GOLM2: variants seen among roughly 807,000 people sequenced by gnomAD.
The protein encoded by GOLM2 is golgi membrane protein 2, also known as protein GOLM2.
GOLM2 carries 26 observed loss-of-function variants against 55.9 expected under a neutral mutation model. The observed-to-expected ratio is 0.47, with a 90% CI of 0.34 to 0.65. The LOEUF (loss-of-function observed/expected upper bound fraction) is 0.65. Ranked by LOEUF, GOLM2 falls within the 30% of genes least tolerant of loss-of-function variation. GOLM2 has a pLI of 0.01. For synonymous variants in GOLM2, 165 were observed against 194.6 expected (o/e 0.85, Z 1.27); for missense variants, 486 against 531.8 (o/e 0.91, Z 0.85).
intron 6 of GOLM2, among the ~76,000 whole-genome samples, chr15:44,368,895 A>G (rs925994660): frequency 6.7e-6 from 1 of 148,664 alleles, no homozygotes; most frequent in Admixed American, 6.8e-5. Context: ...TTTATTGTAT[A>G]CTTTATGAGT....
chr15:44,359,104 C>T (rs1030997076), intron 6 of GOLM2, among the ~76,000 whole-genome samples: 6 of 150,294 alleles, frequency 4.0e-5, no homozygotes, highest in South Asian at 2.1e-4. Context: ...GAGCTGAGAT[C>T]GCGCCAATGC....
chr15:44,338,021 T>C (rs1249836057), intron 5 of GOLM2, 114 bp downstream of exon 5: 2 of 1,065,052 alleles, frequency 1.9e-6, no homozygotes, highest in East Asian at 5.1e-5. Flanking sequence ...AGTTCACACA[T>C]GATTAAGTGT....
intron 6 of GOLM2, among the ~76,000 whole-genome samples, chr15:44,342,526 C>T (rs1485110990): frequency 1.3e-5 from 2 of 152,200 alleles, no homozygotes; most frequent in Non-Finnish European, 2.9e-5. Flanking sequence ...CTTAGCCTCC[C>T]AAAGCACTGC....
intron 4 of GOLM2, among the ~76,000 whole-genome samples, chr15:44,333,223 C>T (rs184656311): frequency 1.6e-3 from 244 of 152,276 alleles, no homozygotes; most frequent in African/African-American, 5.5e-3. Context: ...TGAGCCACCG[C>T]GCACAGCCAA....
intron 1 of GOLM2, among the ~76,000 whole-genome samples, chr15:44,298,631 A>G (rs1342838727): frequency 6.6e-6 from 1 of 151,788 alleles, no homozygotes; most frequent in Non-Finnish European, 1.5e-5. Flanking sequence ...TCATTAACTT[A>G]TTTTGTTCAT....
At chr15:44,318,599 C>G (rs2078928019) in intron 1 of GOLM2, among the ~76,000 whole-genome samples, 1 of 151,824 alleles carries the variant, frequency 6.6e-6, no homozygotes, top group Non-Finnish European at 1.5e-5. Context: ...GTCCAAGCTA[C>G]TTGGGAGGCT....
intron 1 of GOLM2, among the ~76,000 whole-genome samples, chr15:44,300,214 G>T (rs2078787872): frequency 6.6e-6 from 1 of 150,586 alleles, no homozygotes; most frequent in Non-Finnish European, 1.5e-5. Flanking sequence ...GAAAGAGGAA[G>T]AAAGAGGGAG....
chr15:44,407,392 A>C (rs1014336435), intron 9 of GOLM2, among the ~76,000 whole-genome samples: 2 of 151,252 alleles, frequency 1.3e-5, no homozygotes, highest in Non-Finnish European at 2.9e-5. Flanking sequence ...CAGCCTCCTG[A>C]GTATCTGGGA....
At chr15:44,309,884 G>C (rs1231283879) in intron 1 of GOLM2, among the ~76,000 whole-genome samples, 5 of 151,754 alleles carry the variant, frequency 3.3e-5, no homozygotes, top group African/African-American at 1.2e-4. Context: ...CCCCTCACCA[G>C]CTTTTGGTTT....
At position 44,414,979 on chromosome 15, in the gene GOLM2, A is replaced by T. The variant is rs548087256; in HGVS notation, c.*1573A>T. The stretch of plus-strand genomic sequence containing the variant: ...TCACAAGGGGAAATTTAAGATTGTT[A>T]ACCCTGTTTTTCAGAAGGGCTACTG... On this transcript the variant is annotated 3_prime_UTR_variant, in exon 10 of 10. Transcript: ENST00000299957. 7 of 152,756 alleles carry T rather than the reference A, an allele frequency of 4.6e-5. No homozygotes were observed. Among genetic ancestry groups the T allele is most frequent in the African/African-American group, 1.4e-4 (6 of 41,574 alleles). 9.5% of individuals were successfully genotyped at this position (152,756 alleles called of 1,614,324 possible). A position where few individuals can be genotyped will look rare whatever the true frequency, so the allele number is the denominator to read the frequency against.
intron 8 of GOLM2, among the ~76,000 whole-genome samples, chr15:44,391,555 A>G (rs1359660775): frequency 6.6e-6 from 1 of 151,958 alleles, no homozygotes; most frequent in Non-Finnish European, 1.5e-5. Context: ...GTCAGCACAC[A>G]TTAAGACAGG....
At chr15:44,377,069 A>G (rs1235440212) in intron 6 of GOLM2, among the ~76,000 whole-genome samples, 3 of 152,196 alleles carry the variant, frequency 2.0e-5, no homozygotes, top group Non-Finnish European at 4.4e-5. Context: ...GTTACAGTTT[A>G]TGGGGCTCTA....
intron 1 of GOLM2, among the ~76,000 whole-genome samples, chr15:44,316,965 G>A (rs989365118): frequency 6.6e-6 from 1 of 151,852 alleles, no homozygotes; most frequent in Non-Finnish European, 1.5e-5. Context: ...CACCCTGGGT[G>A]ACAGAGGGAC....
chr15:44,402,837 T>C, intron 8 of GOLM2, 50 bp from the exon 9 acceptor site: 1 of 1,593,062 alleles, frequency 6.3e-7, no homozygotes, highest in Non-Finnish European at 8.6e-7. Flanking sequence ...TATAGATTCC[T>C]TCTTTTCTTC....
chr15:44,350,112 A>G (rs1173614606), intron 6 of GOLM2, among the ~76,000 whole-genome samples: 1 of 152,164 alleles, frequency 6.6e-6, no homozygotes, highest in Non-Finnish European at 1.5e-5. Context: ...ACCAAACCTA[A>G]TGTTAGTAGA....
chr15:44,333,742 C>T (rs1365560451), intron 4 of GOLM2, among the ~76,000 whole-genome samples: 1 of 150,458 alleles, frequency 6.6e-6, no homozygotes, highest in African/African-American at 2.4e-5. Context: ...TTTGAGATGG[C>T]GTCTCACTCT....
At chr15:44,366,296 CAA>C (rs34413737) in intron 6 of GOLM2, among the ~76,000 whole-genome samples, 2 of 55,512 alleles carry the variant, frequency 3.6e-5, no homozygotes, top group African/African-American at 6.8e-5. Context: ...GACTCCGTCT[CAA>C]AAAAAAAAAA....
At chr15:44,340,052 C>A (rs2079081030) in intron 6 of GOLM2, among the ~76,000 whole-genome samples, 1 of 152,062 alleles carries the variant, frequency 6.6e-6, no homozygotes, top group Non-Finnish European at 1.5e-5. Context: ...GAACTCCTAG[C>A]CTTAAGCAAT....
In GOLM2 at chr15:44,351,598, A is replaced by C. The variant is rs912440520; in HGVS notation, c.802+13281A>C. ...TCTCAAAAAAAAAAAAAAAAAAAAAACACAGACAAACAAAGAACATCAAAA... is the reference window on the plus strand; with the variant it reads ...TCTCAAAAAAAAAAAAAAAAAAAAACCACAGACAAACAAAGAACATCAAAA... On this transcript the variant is annotated intron_variant, in intron 6 of 9. Coordinates refer to ENST00000299957, the MANE Select transcript of GOLM2 (RefSeq NM_138423.4). Among the ~76,000 whole-genome samples the C allele has an allele frequency of 2.7e-5, 4 of 147,528 alleles. 1 individual carries two copies. The highest frequency in any genetic ancestry group is 7.8e-5 in the African/African-American group (3 of 38,500).
Sources: gnomAD v4.1 joint callset for allele counts (sites outside exome capture counted in the v4.1 genomes callset) on GRCh38, gnomAD v4.1.1 for gene constraint, MANE v1.5 for transcripts, NCBI Gene and HGNC (gene_info 2026-07-23, HGNC 2026-07-21) for gene names.